Variants in JAM2 observed in about 807,000 individuals in gnomAD.
JAM2 encodes the protein junctional adhesion molecule 2.
A neutral mutation model predicts 42.0 loss-of-function variants in JAM2; 17 were observed. The ratio of observed to expected loss-of-function variants is 0.40; its 90% CI spans 0.28 to 0.61. The LOEUF (loss-of-function observed/expected upper bound fraction) is 0.61. Among genes scored for constraint, JAM2 ranks in the 20% least tolerant of loss-of-function variants. The probability of loss-of-function intolerance (pLI) is 0.37; values close to 1 mark genes in which losing one functional copy is unlikely to be tolerated. For missense variants in JAM2, 319 were observed against 358.3 expected (o/e 0.89, Z 0.89); for synonymous variants, 118 against 128.6 (o/e 0.92, Z 0.56).
intron 3 of JAM2, among the ~76,000 whole-genome samples, chr21:25,691,042 G>A (rs1368126147): frequency 6.6e-6 from 1 of 152,126 alleles, no homozygotes; most frequent in East Asian, 1.9e-4. Context: ...ATACATTGAG[G>A]TACAATTCAC....
chr21:25,647,426 T>C (rs1165775868), intron 1 of JAM2, among the ~76,000 whole-genome samples: 3 of 152,212 alleles, frequency 2.0e-5, no homozygotes. Context: ...TACTGCTGTA[T>C]ACCTTCCAGA....
intron 2 of JAM2, among the ~76,000 whole-genome samples, chr21:25,685,524 CAA>C (rs776114627): frequency 1.5e-3 from 75 of 50,406 alleles, no homozygotes; most frequent in Admixed American, 4.1e-3. Context: ...GAGAATGTCT[CAA>C]AAAAAAAAAA....
chr21:25,665,995 G>A (rs2033209118), intron 1 of JAM2, among the ~76,000 whole-genome samples: 2 of 151,948 alleles, frequency 1.3e-5, no homozygotes, highest in Non-Finnish European at 2.9e-5. Context: ...TGCTGAGATT[G>A]CGCCATTGCA....
In JAM2 at chr21:25,654,907, G is replaced by C. The variant is rs114284865; in HGVS notation, c.67+15019G>C. ...TGGCATGAAAGGTAAAAACAAAGGG[G>C]GAGAGAGGAAAGAGCAGGTCGGTGC... On this transcript the variant is annotated intron_variant, in intron 1 of 9. Coordinates refer to ENST00000480456, the MANE Select transcript of JAM2 (RefSeq NM_021219.4). Among the ~76,000 whole-genome samples the C allele has an allele frequency of 2.6e-3, 394 of 152,238 alleles. 1 individual carries two copies. The highest frequency in any genetic ancestry group is 9.0e-3 in the African/African-American group (373 of 41,538).
chr21:25,679,103 C>T (rs1275336386), intron 1 of JAM2, among the ~76,000 whole-genome samples: 2 of 152,238 alleles, frequency 1.3e-5, no homozygotes, highest in Non-Finnish European at 2.9e-5. Context: ...ATTAGATTTG[C>T]TGTCCAGGCT....
At chr21:25,657,701 C>T (rs945771741) in intron 1 of JAM2, among the ~76,000 whole-genome samples, 1 of 152,060 alleles carries the variant, frequency 6.6e-6, no homozygotes, top group Non-Finnish European at 1.5e-5. Context: ...TTTTTTCCCT[C>T]ATTTGTTAAA....
At chr21:25,658,367 G>A (rs2829852) in intron 1 of JAM2, among the ~76,000 whole-genome samples, 64,763 of 151,898 alleles carry the variant, frequency 0.43, 16,772 homozygotes, top group African/African-American at 0.71. Context: ...AACTAAATGT[G>A]TCTCTAAAGA....
intron 1 of JAM2, among the ~76,000 whole-genome samples, chr21:25,679,435 G>C (rs2033576297): frequency 2.0e-5 from 3 of 152,324 alleles, no homozygotes; most frequent in Admixed American, 1.3e-4. Context: ...TCAACCAGGA[G>C]TGATTTCTTT....
chr21:25,700,826 A>AGCAGTCAGCAGGC (rs1271299107), intron 5 of JAM2, among the ~76,000 whole-genome samples: 1 of 152,256 alleles, frequency 6.6e-6, no homozygotes, highest in Non-Finnish European at 1.5e-5. Flanking sequence ...CTGGCCTCTC[A>AGCAGTCAGCAGGC]GCAGTCAGCA....
intron 1 of JAM2, among the ~76,000 whole-genome samples, chr21:25,655,498 T>G (rs1873895755): frequency 6.7e-6 from 1 of 149,702 alleles, no homozygotes; most frequent in African/African-American, 2.4e-5. Context: ...TTTTTTTTTT[T>G]GAGACGGAGT....
chr21:25,667,147 G>A (rs1017660534), intron 1 of JAM2, among the ~76,000 whole-genome samples: 1 of 152,182 alleles, frequency 6.6e-6, no homozygotes, highest in Admixed American at 6.5e-5. Flanking sequence ...TAAATGAAAA[G>A]TTCAAGAAAT....
At chr21:25,662,781 T>C (rs1047087808) in intron 1 of JAM2, among the ~76,000 whole-genome samples, 2 of 152,166 alleles carry the variant, frequency 1.3e-5, no homozygotes, top group Non-Finnish European at 2.9e-5. Context: ...AGTTTATACA[T>C]TTGATTTGAA....
At chr21:25,657,650 T>C (rs985311876) in intron 1 of JAM2, among the ~76,000 whole-genome samples, 2 of 152,324 alleles carry the variant, frequency 1.3e-5, no homozygotes, top group Non-Finnish European at 2.9e-5. Flanking sequence ...CTGCCCTTAG[T>C]AATCATATGG....
chr21:25,677,110 C>G (rs558042289), intron 1 of JAM2, among the ~76,000 whole-genome samples: 1 of 151,826 alleles, frequency 6.6e-6, no homozygotes, highest in African/African-American at 2.4e-5. Context: ...GTTTGGATGA[C>G]GGCTACACTA....
intron 2 of JAM2, among the ~76,000 whole-genome samples, chr21:25,685,524 CA>C (rs776114627): frequency 0.3 from 14,952 of 50,586 alleles, 551 homozygotes; most frequent in South Asian, 0.41. Context: ...GAGAATGTCT[CA>C]AAAAAAAAAA....
intron 9 of JAM2, chr21:25,714,356 T>C: frequency 4.1e-6 from 2 of 491,890 alleles, no homozygotes; most frequent in South Asian, 4.0e-5. Flanking sequence ...ATACAAAAAT[T>C]AGCTGGGCAT....
At chr21:25,658,731 T>C (rs920806490) in intron 1 of JAM2, among the ~76,000 whole-genome samples, 1 of 152,154 alleles carries the variant, frequency 6.6e-6, no homozygotes, top group African/African-American at 2.4e-5. Flanking sequence ...AATTAGCATT[T>C]GAATGGAACT....
Position 25,716,239 on chromosome 21 carries a change from ACC to A in JAM2, c.*1571_*1572del, listed in dbSNP as rs1314591166. On this transcript the variant is annotated 3_prime_UTR_variant, in exon 10 of 10. Coordinates refer to ENST00000480456, the MANE Select transcript of JAM2 (RefSeq NM_021219.4). ...TCAAACCTCTGACCTCAAATGATCC[ACC>A]CCCATCAGCCTCCCAAAGTGCTGGG... 3 of 151,580 alleles carry A rather than the reference ACC, an allele frequency of 2.0e-5. No homozygotes were observed. Among genetic ancestry groups the A allele is most frequent in the Non-Finnish European group, 4.4e-5 (3 of 68,008 alleles). The allele number at this position is 151,580 out of a possible 1,614,324, so 9.4% of individuals were successfully genotyped here. A position where few individuals can be genotyped will look rare whatever the true frequency, so the allele number is the denominator to read the frequency against.
At chr21:25,652,586 T>A (rs147047005) in intron 1 of JAM2, among the ~76,000 whole-genome samples, 1 of 152,320 alleles carries the variant, frequency 6.6e-6, no homozygotes, top group Non-Finnish European at 1.5e-5. Flanking sequence ...GATTTTGTTA[T>A]TTTGACACTA....
Sources: allele counts gnomAD v4.1 joint callset (sites outside exome capture counted in the v4.1 genomes callset), GRCh38; gene constraint gnomAD v4.1.1; transcripts MANE v1.5; gene names NCBI Gene and HGNC (gene_info 2026-07-23, HGNC 2026-07-21).